RYR2: variants seen among roughly 807,000 people sequenced by gnomAD.
The protein encoded by RYR2 is ryanodine receptor 2.
RYR2 carries 227 observed loss-of-function variants against 601.1 expected under a neutral mutation model. The observed-to-expected ratio is 0.38, with a 90% CI of 0.34 to 0.42. The LOEUF is 0.42. RYR2 is among the 10% of genes least tolerant of loss of function. The pLI is 1.00. For synonymous variants in RYR2, 2,223 were observed against 2,175.1 expected (o/e 1.02, Z -0.61); for missense variants, 4,646 against 6,156.5 (o/e 0.75, Z 8.21).
intron 3 of RYR2, among the ~76,000 whole-genome samples, chr1:237,337,065 A>G (rs1697311984): frequency 6.6e-6 from 1 of 151,972 alleles, no homozygotes. Flanking sequence ...AGCCTAGCCA[A>G]CATGTTGAAA....
intron 1 of RYR2, among the ~76,000 whole-genome samples, chr1:237,138,176 C>T (rs1055516865): frequency 1.3e-5 from 2 of 152,010 alleles, no homozygotes; most frequent in Non-Finnish European, 2.9e-5. Context: ...GAATTGCAGG[C>T]GTGTGCCACC....
At chr1:237,455,789 A>G (rs1166341254) in intron 15 of RYR2, among the ~76,000 whole-genome samples, 1 of 152,224 alleles carries the variant, frequency 6.6e-6, no homozygotes, top group Admixed American at 6.5e-5. Flanking sequence ...AAGTATCAAC[A>G]TAAACCAATA....
chr1:237,166,852 T>C (rs1676765952), intron 1 of RYR2, among the ~76,000 whole-genome samples: 1 of 152,206 alleles, frequency 6.6e-6, no homozygotes, highest in South Asian at 2.1e-4. Context: ...TTCTAGGGTT[T>C]CAGGTTCAAT....
At chr1:237,590,023 C>T (rs1311568682) in intron 30 of RYR2, 22 bp downstream of exon 30, 2 of 1,592,756 alleles carry the variant, frequency 1.3e-6, no homozygotes, top group Non-Finnish European at 1.7e-6. Context: ...CTTTAAAAAT[C>T]AGGCCATTTC....
chr1:237,746,522 T>C (rs1692093423), intron 80 of RYR2, among the ~76,000 whole-genome samples: 1 of 152,136 alleles, frequency 6.6e-6, no homozygotes, highest in African/African-American at 2.4e-5. Flanking sequence ...GCCAGCTCTT[T>C]TCTTCTTCCA....
intron 63 of RYR2, among the ~76,000 whole-genome samples, chr1:237,692,310 G>A (rs1687013130): frequency 6.6e-6 from 1 of 152,160 alleles, no homozygotes; most frequent in Non-Finnish European, 1.5e-5. Context: ...AGACCAATAT[G>A]CAAACATCTT....
chr1:237,729,496 A>C (rs1690495589), intron 76 of RYR2, among the ~76,000 whole-genome samples: 1 of 152,164 alleles, frequency 6.6e-6, no homozygotes, highest in Non-Finnish European at 1.5e-5. Context: ...GTTACGTCTC[A>C]TGAGTCCTTA....
chr1:237,387,233 C>T lies in RYR2; in HGVS notation c.577-48C>T, dbSNP rs1702017999. 1.9e-6 allele frequency: 3 copies of T among 1,543,528 alleles called. No individual in the cohort carries two copies. In the East Asian group the frequency reaches 6.7e-5, roughly 35 times the overall value. ...CATTCCTAGAAGCACTTACATGTTA[C>T]AGCTTACCAGAGCCTGAAGTGATGC... is the stretch of plus-strand genomic sequence containing the variant. On this transcript the variant is annotated intron_variant, in intron 8 of 104. Transcript: ENST00000366574.
At chr1:237,118,692 C>T (rs1479719278) in intron 1 of RYR2, among the ~76,000 whole-genome samples, 1 of 152,058 alleles carries the variant, frequency 6.6e-6, no homozygotes, top group Non-Finnish European at 1.5e-5. Flanking sequence ...CAACCTCCGC[C>T]TCCCGGATTC....
chr1:237,768,023 G>A (rs1693971791), intron 84 of RYR2, among the ~76,000 whole-genome samples: 1 of 152,074 alleles, frequency 6.6e-6, no homozygotes, highest in Non-Finnish European at 1.5e-5. Context: ...TTAGTCTTTT[G>A]GAGTCTATTT....
chr1:237,507,821 A>G lies in RYR2; in HGVS notation c.2718+1007A>G, dbSNP rs190188612. On this transcript the variant is annotated intron_variant, in intron 23 of 104. Coordinates refer to ENST00000366574, the MANE Select transcript of RYR2 (RefSeq NM_001035.3). ...GACTGGAATCAAGGTTTTCTAAGAC[A>G]GAATTTAGAAAGTGACTGCAAGTCA... is the stretch of plus-strand genomic sequence containing the variant. Among the ~76,000 whole-genome samples the G allele has an allele frequency of 3.1e-3, 478 of 152,372 alleles. 2 individuals carry two copies. The highest frequency in any genetic ancestry group is 4.7e-3 in the Non-Finnish European group (319 of 68,038).
intron 27 of RYR2, among the ~76,000 whole-genome samples, chr1:237,564,763 T>C (rs571233013): frequency 6.6e-6 from 1 of 152,322 alleles, no homozygotes; most frequent in African/African-American, 2.4e-5. Flanking sequence ...TCTGAAGGGT[T>C]AGCCAGCAGA....
chr1:237,753,382 A>C (rs773723048), intron 80 of RYR2, among the ~76,000 whole-genome samples: 1 of 152,218 alleles, frequency 6.6e-6, no homozygotes, highest in Admixed American at 6.5e-5. Flanking sequence ...AAGTGTTAAA[A>C]GCTTGACACA....
intron 35 of RYR2, among the ~76,000 whole-genome samples, chr1:237,609,367 C>G (rs1431184339): frequency 9.8e-5 from 13 of 132,896 alleles, no homozygotes; most frequent in Non-Finnish European, 8.0e-5. Context: ...TCTCCCCTTC[C>G]CCCCTTCCCT....
chr1:237,760,458 C>G (rs1013188963), intron 83 of RYR2, among the ~76,000 whole-genome samples: 1 of 148,356 alleles, frequency 6.7e-6, no homozygotes, highest in African/African-American at 2.5e-5. Context: ...GTTGTGTATG[C>G]TTTTTTAAAA....
intron 24 of RYR2, among the ~76,000 whole-genome samples, chr1:237,528,453 GACT>G (rs1376605343): frequency 1.3e-5 from 2 of 152,100 alleles, no homozygotes; most frequent in African/African-American, 4.8e-5. Flanking sequence ...GATAAGGGAG[GACT>G]ACTGTACTAC....
intron 62 of RYR2, among the ~76,000 whole-genome samples, chr1:237,684,100 T>C (rs12749635): frequency 0.021 from 3,144 of 151,786 alleles, 50 homozygotes; most frequent in Non-Finnish European, 0.031. Context: ...GCTAATTTTT[T>C]TTTTTTATTA....
intron 6 of RYR2, 24 bp from the exon 7 acceptor site, chr1:237,374,693 A>C: frequency 6.3e-7 from 1 of 1,587,754 alleles, no homozygotes; most frequent in Non-Finnish European, 8.6e-7. Flanking sequence ...CTCTACTTAC[A>C]ACTACTGATT....
intron 33 of RYR2, among the ~76,000 whole-genome samples, chr1:237,594,898 T>TG (rs1675668728): frequency 1.5e-4 from 3 of 20,662 alleles, no homozygotes; most frequent in Non-Finnish European, 5.5e-4. Context: ...TTTTTTTTTT[T>TG]TTTTTTTTTT....
Sources: gnomAD v4.1 joint callset for allele counts (sites outside exome capture counted in the v4.1 genomes callset) on GRCh38, gnomAD v4.1.1 for gene constraint, MANE v1.5 for transcripts, NCBI Gene and HGNC (gene_info 2026-07-23, HGNC 2026-07-21) for gene names.